SGIP1: variants seen among roughly 807,000 people sequenced by gnomAD.
The protein encoded by SGIP1 is SH3GL interacting endocytic adaptor 1.
In SGIP1, 38 loss-of-function variants were observed where a neutral mutation model predicts 107.5. That is an observed-to-expected ratio of 0.35 (90% CI 0.27 to 0.46). The LOEUF is 0.46. Ranked by LOEUF, SGIP1 falls within the 20% of genes least tolerant of loss-of-function variation. SGIP1 has a pLI of 1.00. For missense variants in SGIP1, 929 were observed against 1,019.5 expected (o/e 0.91, Z 1.21); for synonymous variants, 365 against 366.1 (o/e 1.00, Z 0.03).
At chr1:66,638,513 G>A (rs921264900) in intron 4 of SGIP1, among the ~76,000 whole-genome samples, 1 of 152,194 alleles carries the variant, frequency 6.6e-6, no homozygotes, top group Non-Finnish European at 1.5e-5. Context: ...TATGTCCATG[G>A]ATGCTTGTCT....
intron 1 of SGIP1, among the ~76,000 whole-genome samples, chr1:66,591,519 C>T (rs2063616454): frequency 6.6e-6 from 1 of 152,178 alleles, no homozygotes; most frequent in South Asian, 2.1e-4. Flanking sequence ...TATCCCCTGC[C>T]CCTACACATG....
chr1:66,546,522 G>A (rs2056426200), intron 1 of SGIP1, among the ~76,000 whole-genome samples: 1 of 152,154 alleles, frequency 6.6e-6, no homozygotes, highest in African/African-American at 2.4e-5. Flanking sequence ...GATCTCATCA[G>A]CATCATAATT....
intron 18 of SGIP1, among the ~76,000 whole-genome samples, chr1:66,699,951 A>G (rs2150208809): frequency 6.6e-6 from 1 of 152,316 alleles, no homozygotes; most frequent in African/African-American, 2.4e-5. Context: ...ATGAGTAACT[A>G]ACATCTGAGT....
At chr1:66,682,716 A>C (rs963802141) in intron 15 of SGIP1, among the ~76,000 whole-genome samples, 1 of 151,944 alleles carries the variant, frequency 6.6e-6, no homozygotes, top group Non-Finnish European at 1.5e-5. Flanking sequence ...GTTTCATGTT[A>C]AATGTCTGAT....
intron 1 of SGIP1, among the ~76,000 whole-genome samples, chr1:66,564,473 G>A (rs577347941): frequency 7.9e-5 from 12 of 151,844 alleles, no homozygotes; most frequent in Non-Finnish European, 1.8e-4. Flanking sequence ...GCTGTGGTTT[G>A]ACCTGACCAA....
At chr1:66,634,169 C>G (rs747700740) in intron 3 of SGIP1, 20 of 1,607,344 alleles carry the variant, frequency 1.2e-5, no homozygotes, top group Non-Finnish European at 1.2e-5. Context: ...CTCAGGTACT[C>G]TCTGCTTCTG....
chr1:66,712,487 G>C (rs2092982716), intron 18 of SGIP1, among the ~76,000 whole-genome samples: 2 of 152,118 alleles, frequency 1.3e-5, no homozygotes, highest in African/African-American at 4.8e-5. Context: ...TTAAACTCAG[G>C]AGGTAAACAC....
At chr1:66,623,431 A>C (rs1280585558) in intron 1 of SGIP1, among the ~76,000 whole-genome samples, 2 of 152,042 alleles carry the variant, frequency 1.3e-5, no homozygotes, top group Non-Finnish European at 2.9e-5. Context: ...TTGTATTTTT[A>C]GTAGAGACGG....
intron 1 of SGIP1, among the ~76,000 whole-genome samples, chr1:66,606,910 T>C (rs2066960047): frequency 6.6e-6 from 1 of 152,188 alleles, no homozygotes; most frequent in Non-Finnish European, 1.5e-5. Flanking sequence ...TTTATAGCTT[T>C]TATTAGATTC....
chr1:66,635,907 T>C, intron 3 of SGIP1, 37 bp from the exon 4 acceptor site: 3 of 1,604,062 alleles, frequency 1.9e-6, no homozygotes, highest in Non-Finnish European at 2.6e-6. Context: ...GCAGATCTTT[T>C]AACCACTTTT....
At chr1:66,618,070 A>C (rs1396543399) in intron 1 of SGIP1, among the ~76,000 whole-genome samples, 2 of 152,222 alleles carry the variant, frequency 1.3e-5, no homozygotes, top group East Asian at 3.8e-4. Context: ...TGTTGAACTA[A>C]GATAAGAAAA....
At chr1:66,716,004 ATT>A (rs1029574211) in intron 18 of SGIP1, among the ~76,000 whole-genome samples, 1 of 152,112 alleles carries the variant, frequency 6.6e-6, no homozygotes, top group African/African-American at 2.4e-5. Context: ...GCTTTGCCTC[ATT>A]TTATCCTCAG....
At chr1:66,650,507 T>C (rs1310186786) in intron 7 of SGIP1, among the ~76,000 whole-genome samples, 1 of 152,200 alleles carries the variant, frequency 6.6e-6, no homozygotes, top group Non-Finnish European at 1.5e-5. Flanking sequence ...GTTCAAACGC[T>C]TGCCTGTCTT....
intron 7 of SGIP1, among the ~76,000 whole-genome samples, chr1:66,649,033 A>T (rs1206677202): frequency 6.6e-6 from 1 of 152,122 alleles, no homozygotes; most frequent in Non-Finnish European, 1.5e-5. Flanking sequence ...AGATTCTTTT[A>T]AAAAAACCAC....
chr1:66,568,134 G>A (rs1269531260), intron 1 of SGIP1, among the ~76,000 whole-genome samples: 1 of 152,188 alleles, frequency 6.6e-6, no homozygotes, highest in East Asian at 1.9e-4. Context: ...TCCTATCCAT[G>A]AGCATGGAAT....
At chr1:66,736,586 T>C (rs609906) in intron 21 of SGIP1, among the ~76,000 whole-genome samples, 7,716 of 29,572 alleles carry the variant, frequency 0.26, 3,013 homozygotes, top group Non-Finnish European at 0.41. Flanking sequence ...TATAATATAT[T>C]GCGTATTATA....
chr1:66,673,741 G>A (rs1232914849), intron 12 of SGIP1, among the ~76,000 whole-genome samples: 4 of 152,136 alleles, frequency 2.6e-5, no homozygotes, highest in South Asian at 2.1e-4. Flanking sequence ...CGTCATTGTC[G>A]CTGTCGTTGG....
intron 1 of SGIP1, chr1:66,616,256 T>C (rs2069284948): frequency 6.6e-6 from 1 of 152,210 alleles, no homozygotes; most frequent in African/African-American, 2.4e-5. Flanking sequence ...TTTTCAAATT[T>C]TGATGATTTT....
At chr1:66,543,835 T>A (rs1247878086) in intron 1 of SGIP1, among the ~76,000 whole-genome samples, 1 of 152,194 alleles carries the variant, frequency 6.6e-6, no homozygotes, top group Non-Finnish European at 1.5e-5. Flanking sequence ...AGAGTCATTA[T>A]GAAGAGCAAA....
Sources: gnomAD v4.1 joint callset for allele counts (sites outside exome capture counted in the v4.1 genomes callset) on GRCh38, gnomAD v4.1.1 for gene constraint, MANE v1.5 for transcripts, NCBI Gene and HGNC (gene_info 2026-07-23, HGNC 2026-07-21) for gene names.